Variants in SPPL2B observed in about 807,000 individuals in gnomAD.
The protein encoded by SPPL2B is signal peptide peptidase like 2B.
SPPL2B carries 39 observed loss-of-function variants against 59.7 expected under a neutral mutation model. That is an observed-to-expected ratio of 0.65 (90% CI 0.51 to 0.85). The LOEUF (loss-of-function observed/expected upper bound fraction) is 0.85, where lower values mean the gene tolerates loss of function less well. Ranked by LOEUF, SPPL2B falls within the 40% of genes least tolerant of loss-of-function variation. The pLI is 0.00. For missense variants in SPPL2B, 865 were observed against 849.0 expected, an observed-to-expected ratio of 1.02 and a Z score of -0.23; for synonymous variants, 419 against 370.8, an observed-to-expected ratio of 1.13 and a Z score of -1.49.
At chr19:2,352,812 T>A (rs1201892130) in intron 14 of SPPL2B, 134 bp from the exon 15 acceptor site, 1 of 991,146 alleles carries the variant, frequency 1.0e-6, no homozygotes, top group Non-Finnish European at 1.5e-6. Context: ...CCTCCTTGGG[T>A]CCAGAGCCCC....
At position 2,329,883 on chromosome 19, in the gene SPPL2B, C is replaced by T. The variant is rs529162163; in HGVS notation, c.66+1108C>T. On this transcript the variant is annotated intron_variant, in intron 1 of 14. Transcript: ENST00000613503. ...TAGTCTTTTCTCTTACCCTGAGATG[C>T]CCCTGGTCTCTGCAAGGCTGTCGGG... Among the ~76,000 whole-genome samples, 3 of 152,306 alleles carry T rather than the reference C, an allele frequency of 2.0e-5. No individual in the cohort carries two copies. In the East Asian group the frequency reaches 5.8e-4, roughly 29 times the overall value.
At position 2,353,525 on chromosome 19, in the gene SPPL2B, G is replaced by A. The variant is rs1970046593; in HGVS notation, c.*316G>A. The A allele has an allele frequency of 2.7e-6, 1 of 363,664 alleles. No homozygotes were observed. Among genetic ancestry groups the A allele is most frequent in the Middle Eastern group, 7.8e-4 (1 of 1,286 alleles). 22.5% of individuals were successfully genotyped at this position (363,664 alleles called of 1,614,324 possible). On this transcript the variant is annotated 3_prime_UTR_variant, in exon 15 of 15. Coordinates refer to ENST00000613503, the MANE Select transcript of SPPL2B (RefSeq NM_152988.3). Reference sequence around the variant, plus strand: ...CTCTGCAGACCCTCAAGCGTCGTCTGCATGAGTGAGCAGGCGTGGGTGGAC... The same window carrying A: ...CTCTGCAGACCCTCAAGCGTCGTCTACATGAGTGAGCAGGCGTGGGTGGAC...
At chr19:2,352,108 T>TA (rs1217865879) in intron 14 of SPPL2B, among the ~76,000 whole-genome samples, 1 of 152,170 alleles carries the variant, frequency 6.6e-6, no homozygotes, top group African/African-American at 2.4e-5. Context: ...TGGCAAGGGT[T>TA]AAACGTGAGA....
chr19:2,331,654 TAGAG>T lies in SPPL2B; in HGVS notation c.66+2883_66+2886del, dbSNP rs2145137023. ...CTTTTGTGCTTTTAAATGACCCTTT[TAGAG>T]AGAAGCAGAGAAGCAGTTCTATCAG... is the stretch of plus-strand genomic sequence containing the variant. On this transcript the variant is annotated intron_variant, in intron 1 of 14. Transcript: ENST00000613503. Among the ~76,000 whole-genome samples, 2 of 152,296 alleles carry T rather than the reference TAGAG, an allele frequency of 1.3e-5. 1 individual carries two copies. Among genetic ancestry groups the T allele is most frequent in the South Asian group, 4.1e-4 (2 of 4,828 alleles).
chr19:2,353,076 A>G lies in SPPL2B; in HGVS notation c.1646A>G (p.Gln549Arg), dbSNP rs113009055. 0.011 allele frequency: 18,245 copies of G among 1,611,824 alleles called. 181 individuals carry two copies. The highest frequency in any genetic ancestry group is 0.013 in the Non-Finnish European group (14,989 of 1,179,510). Residue 549 changes from glutamine (Q) to arginine (R), a missense_variant, in exon 15 of 15, where the codon CAG (glutamine) becomes CGG (arginine). Coordinates refer to ENST00000613503, the MANE Select transcript of SPPL2B (RefSeq NM_152988.3). Reference sequence around the variant, plus strand: ...GCCACATCCCCCTGGCCTGCTGAGCAGTCCCCAAAATCACGCACGTCCGAG... The same window carrying G: ...GCCACATCCCCCTGGCCTGCTGAGCGGTCCCCAAAATCACGCACGTCCGAG... Reference protein sequence around the residue: ...EPATSPWPAEQSPKSRTSEEM... With the variant: ...EPATSPWPAERSPKSRTSEEM...
chr19:2,334,513 G>A (rs1324961792), intron 1 of SPPL2B, 89 bp from the exon 2 acceptor site: 11 of 1,497,124 alleles, frequency 7.3e-6, no homozygotes, highest in South Asian at 1.3e-5. Flanking sequence ...TCCTGGAGGC[G>A]TCCTCCCCTC....
intron 9 of SPPL2B, among the ~76,000 whole-genome samples, chr19:2,343,568 G>A (rs1310526652): frequency 6.6e-6 from 1 of 152,168 alleles, no homozygotes; most frequent in Non-Finnish European, 1.5e-5. Flanking sequence ...AGGGCTGGAG[G>A]AACTGGCCTC....
In SPPL2B at chr19:2,339,918, A is replaced by C. The variant is rs949557599; in HGVS notation, c.694A>C (p.Met232Leu). Residue 232 changes from methionine to leucine, a missense_variant, in exon 6 of 15, where the codon ATG becomes CTG. Met to Leu is a conservative substitution (Grantham distance 15). Coordinates refer to ENST00000613503, the MANE Select transcript of SPPL2B (RefSeq NM_152988.3). ...GGTGATGACCTGCGTGTTTGTGGTG[A>C]TGTGCTGCTCCATGCTGGTGCTGCT... Reference protein sequence around the residue: ...TPVMTCVFVVMCCSMLVLLYY... With the variant: ...TPVMTCVFVVLCCSMLVLLYY... 1 of 1,570,188 alleles carries C rather than the reference A, an allele frequency of 6.4e-7. No homozygotes were observed. Among genetic ancestry groups the C allele is most frequent in the Non-Finnish European group, 8.6e-7 (1 of 1,157,498 alleles).
At chr19:2,337,342 T>A in intron 2 of SPPL2B, 101 bp from the exon 3 acceptor site, 2 of 1,172,970 alleles carry the variant, frequency 1.7e-6, no homozygotes, top group Non-Finnish European at 2.4e-6. Context: ...AGGTGAGGGC[T>A]GGGATCTAAC....
At position 2,340,667 on chromosome 19, in the gene SPPL2B, C is replaced by T. The variant is rs563999728; in HGVS notation, c.840-231C>T. Among the ~76,000 whole-genome samples, 7 of 152,266 alleles carry T rather than the reference C, an allele frequency of 4.6e-5. No homozygotes were observed. The East Asian group carries it at 1.2e-3, about 25-fold the overall frequency. On this transcript the variant is annotated intron_variant, in intron 7 of 14. Transcript: ENST00000613503. ...CTCGGGCGAAGGGGCGCAGCGCAGG[C>T]GAGGGGCTCTGTGGGTACAGCCCGT...
intron 7 of SPPL2B, 58 bp from the exon 8 acceptor site, chr19:2,340,840 G>A: frequency 2.8e-6 from 3 of 1,069,068 alleles, no homozygotes; most frequent in Non-Finnish European, 4.1e-6. Context: ...AGGGTGGTGG[G>A]CAGTGGGATG....
intron 1 of SPPL2B, among the ~76,000 whole-genome samples, chr19:2,331,838 C>T (rs1052113119): frequency 6.6e-6 from 1 of 152,240 alleles, no homozygotes. Context: ...TCCTGTTGTT[C>T]TTCCAGAGCC....
rs545220078 is a variant in SPPL2B at position 2,337,124 on chromosome 19, C to G, written c.187-319C>G. ...CTCCCCCTTCTCACAGATGCCTGGC[C>G]GTGGTGGGGCTGCGGTGGGGACCCA... On this transcript the variant is annotated intron_variant, in intron 2 of 14. Coordinates refer to ENST00000613503, the MANE Select transcript of SPPL2B (RefSeq NM_152988.3). 10 of 272,980 alleles carry G rather than the reference C, an allele frequency of 3.7e-5. No individual in the cohort carries two copies. The East Asian group carries it at 6.7e-4, about 18-fold the overall frequency. The allele number at this position is 272,980 out of a possible 1,614,324, so 16.9% of individuals were successfully genotyped here.
intron 13 of SPPL2B, among the ~76,000 whole-genome samples, chr19:2,350,015 C>T (rs1389723527): frequency 2.1e-5 from 3 of 141,102 alleles, no homozygotes; most frequent in Non-Finnish European, 3.0e-5. Context: ...TTCTCTCCCT[C>T]GACACACACT....
At chr19:2,337,317 G>T (rs374387788) in intron 2 of SPPL2B, 126 bp from the exon 3 acceptor site, 6 of 909,944 alleles carry the variant, frequency 6.6e-6, no homozygotes, top group Non-Finnish European at 9.8e-6. Context: ...GTGGGCCGAG[G>T]CCGTGCGGGG....
chr19:2,337,385 C>A, intron 2 of SPPL2B, 58 bp from the exon 3 acceptor site: 1 of 1,483,676 alleles, frequency 6.7e-7, no homozygotes, highest in Non-Finnish European at 9.1e-7. Context: ...GAACGGGCAG[C>A]TGGGCCCTCC....
rs895829409 is a variant in SPPL2B, at chr19:2,338,757, C to T, written c.375C>T (p.Pro125=). The change falls in exon 4 of 15, where the codon CCC becomes CCT. Residue 125 remains proline (P), a synonymous_variant. Transcript: ENST00000613503. ...TCCCTCCTCTGGGCCCCCAGGTCCC[C>T]CCGGGGGGTAATAAGACGCAGTATG... ...LLIVSRERLV[P]PGGNKTQYDE... is the part of the protein sequence containing the mutation. 2 of 1,612,652 alleles carry T rather than the reference C, an allele frequency of 1.2e-6. No individual in the cohort carries two copies. Among genetic ancestry groups the T allele is most frequent in the Admixed American group, 1.7e-5 (1 of 59,946 alleles).
At chr19:2,335,307 TCCCA>T (rs1406094913) in intron 2 of SPPL2B, among the ~76,000 whole-genome samples, 22 of 129,320 alleles carry the variant, frequency 1.7e-4, no homozygotes, top group South Asian at 5.9e-4. Flanking sequence ...CCGCCTCCTT[TCCCA>T]CTGCATCCTT....
intron 14 of SPPL2B, among the ~76,000 whole-genome samples, 165 bp from the exon 15 acceptor site, chr19:2,352,781 C>T (rs1969995694): frequency 6.6e-6 from 1 of 152,168 alleles, no homozygotes; most frequent in African/African-American, 2.4e-5. Flanking sequence ...CCTGGGTGCC[C>T]GTAGGTTATG....
Sources: gnomAD v4.1 joint callset for allele counts (sites outside exome capture counted in the v4.1 genomes callset) on GRCh38, gnomAD v4.1.1 for gene constraint, MANE v1.5 for transcripts, NCBI Gene and HGNC (gene_info 2026-07-23, HGNC 2026-07-21) for gene names.